KALRN: variants seen among roughly 807,000 people sequenced by gnomAD.
The protein encoded by KALRN is kalirin RhoGEF kinase.
A neutral mutation model predicts 353.7 loss-of-function variants in KALRN; 70 were observed. The ratio of observed to expected loss-of-function variants is 0.20; its 90% confidence interval spans 0.16 to 0.24. KALRN has a LOEUF of 0.24. Among genes scored for constraint, KALRN ranks in the 10% least tolerant of loss-of-function variants. KALRN has a pLI of 1.00. For synonymous variants in KALRN, 1,391 were observed against 1,434.8 expected (o/e 0.97, Z 0.69); for missense variants, 2,791 against 3,756.7 (o/e 0.74, Z 6.72).
chr3:124,301,600 T>C (rs917821967), intron 6 of KALRN, among the ~76,000 whole-genome samples: 3 of 152,170 alleles, frequency 2.0e-5, no homozygotes, highest in Non-Finnish European at 2.9e-5. Flanking sequence ...TTAAGGTTTG[T>C]TATTAAAAGA....
intron 33 of KALRN, chr3:124,519,457 T>G (rs1446018511): frequency 1.0e-6 from 1 of 985,158 alleles, no homozygotes; most frequent in African/African-American, 1.7e-5. Flanking sequence ...TATACACTCA[T>G]TTTCTAACTT....
intron 3 of KALRN, among the ~76,000 whole-genome samples, chr3:124,262,800 C>G (rs1331284647): frequency 6.6e-6 from 1 of 152,190 alleles, no homozygotes; most frequent in African/African-American, 2.4e-5. Context: ...TGTGGCCTTA[C>G]TGCCAGCAGC....
chr3:124,438,996 C>T lies in KALRN; in HGVS notation c.3157C>T (p.Leu1053Phe). ...AGCAGAGATCGACCATGTCATTCCC[C>T]TCATCAGCAAACATTTGGAACAAAA... is the stretch of plus-strand genomic sequence containing the variant. Reference protein sequence around the residue: ...PAAEIDHVIPLISKHLEQKEA... With the variant: ...PAAEIDHVIPFISKHLEQKEA... Residue 1053 changes from leucine to phenylalanine, a missense_variant, in exon 18 of 60, where the codon CTC (leucine) becomes TTC (phenylalanine). This residue lies in a region of KALRN where 452 missense variants were observed against 575.8 expected (regional missense o/e 0.78). Coordinates refer to ENST00000682506, the MANE Select transcript of KALRN (RefSeq NM_001388419.1). 2 of 1,614,126 alleles carry T rather than the reference C, an allele frequency of 1.2e-6. No individual in the cohort carries two copies. The highest frequency in any genetic ancestry group is 1.7e-6 in the Non-Finnish European group (2 of 1,180,030).
intron 33 of KALRN, among the ~76,000 whole-genome samples, chr3:124,513,701 C>G (rs1429513105): frequency 6.6e-6 from 1 of 152,154 alleles, no homozygotes; most frequent in African/African-American, 2.4e-5. Context: ...TCAGAGGGTT[C>G]CCTGAGCAGA....
intron 34 of KALRN, among the ~76,000 whole-genome samples, chr3:124,591,728 T>G (rs1301224932): frequency 6.6e-6 from 1 of 152,214 alleles, no homozygotes; most frequent in East Asian, 1.9e-4. Context: ...ATACTAGACA[T>G]AGACCCCATC....
intron 1 of KALRN, among the ~76,000 whole-genome samples, chr3:124,166,797 G>A (rs982869870): frequency 1.3e-5 from 2 of 152,130 alleles, no homozygotes; most frequent in African/African-American, 4.8e-5. Flanking sequence ...CCAGCACTTT[G>A]GGAGGCTGAG....
intron 1 of KALRN, among the ~76,000 whole-genome samples, chr3:124,083,079 T>C (rs1174167872): frequency 6.6e-6 from 1 of 152,244 alleles, no homozygotes; most frequent in East Asian, 1.9e-4. Flanking sequence ...GAGAGCAGCC[T>C]TGGTGTTCTG....
chr3:124,429,176 T>G (rs2093162401), intron 15 of KALRN, among the ~76,000 whole-genome samples: 1 of 152,222 alleles, frequency 6.6e-6, no homozygotes, highest in Non-Finnish European at 1.5e-5. Flanking sequence ...ACTAATTGCT[T>G]TACAGATTGG....
chr3:124,360,903 CACA>C (rs1246730209), intron 10 of KALRN, among the ~76,000 whole-genome samples: 1 of 152,186 alleles, frequency 6.6e-6, no homozygotes, highest in Non-Finnish European at 1.5e-5. Flanking sequence ...ATGCAAATTT[CACA>C]AGACTATTTT....
intron 27 of KALRN, among the ~76,000 whole-genome samples, chr3:124,479,824 C>T (rs749483997): frequency 6.6e-6 from 1 of 151,156 alleles, no homozygotes; most frequent in Non-Finnish European, 1.5e-5. Context: ...CCTGGGTTCA[C>T]GCCATTCTCC....
chr3:124,488,567 A>C, intron 29 of KALRN: 2 of 420,458 alleles, frequency 4.8e-6, no homozygotes, highest in Non-Finnish European at 8.7e-6. Context: ...CCCATGAGAC[A>C]GTCCAGGACA....
At chr3:124,175,976 G>A (rs2072677637) in intron 1 of KALRN, among the ~76,000 whole-genome samples, 1 of 152,068 alleles carries the variant, frequency 6.6e-6, no homozygotes, top group African/African-American at 2.4e-5. Flanking sequence ...GTTTTTTCAT[G>A]ATTTTCTCTC....
intron 6 of KALRN, among the ~76,000 whole-genome samples, chr3:124,322,189 G>C (rs1001405456): frequency 6.6e-6 from 1 of 152,206 alleles, no homozygotes; most frequent in Non-Finnish European, 1.5e-5. Flanking sequence ...GCCAGCATGA[G>C]GTGCTGAGAC....
intron 43 of KALRN, among the ~76,000 whole-genome samples, chr3:124,659,714 C>T (rs568721642): frequency 6.6e-6 from 1 of 152,136 alleles, no homozygotes; most frequent in Non-Finnish European, 1.5e-5. Flanking sequence ...TTTTTCAATT[C>T]ACATTCTTAC....
intron 3 of KALRN, among the ~76,000 whole-genome samples, chr3:124,237,754 G>T (rs939284375): frequency 6.6e-6 from 1 of 152,112 alleles, no homozygotes; most frequent in Non-Finnish European, 1.5e-5. Flanking sequence ...GAGGATTTGT[G>T]GTGAACAGGA....
At chr3:124,669,991 ACAGAGT>A (rs1233516161) in intron 47 of KALRN, among the ~76,000 whole-genome samples, 7 of 140,658 alleles carry the variant, frequency 5.0e-5, no homozygotes, top group African/African-American at 8.4e-5. Flanking sequence ...TTTTTTTGAG[ACAGAGT>A]CTCGCTCTGT....
At chr3:124,073,843 G>A (rs996065454) in intron 1 of KALRN, among the ~76,000 whole-genome samples, 5 of 152,090 alleles carry the variant, frequency 3.3e-5, no homozygotes, top group African/African-American at 9.7e-5. Flanking sequence ...ATTGGAATAG[G>A]CTTTTGCAGG....
At chr3:124,286,107 C>CTTTCTTTCTTTCTT (rs1560463045) in intron 5 of KALRN, among the ~76,000 whole-genome samples, 2 of 145,886 alleles carry the variant, frequency 1.4e-5, no homozygotes, top group Non-Finnish European at 3.0e-5. Context: ...TTCTTTCTTT[C>CTTTCTTTCTTTCTT]TTTCTTTCTT....
At chr3:124,182,889 A>G (rs1322919393) in intron 1 of KALRN, among the ~76,000 whole-genome samples, 8 of 152,224 alleles carry the variant, frequency 5.3e-5, no homozygotes, top group South Asian at 2.1e-4. Context: ...AAAGATTTTC[A>G]TACTGAAAAC....
Sources: gnomAD v4.1 joint callset for allele counts (sites outside exome capture counted in the v4.1 genomes callset) on GRCh38, gnomAD v4.1.1 for gene constraint, gnomAD v4.1.1 regional missense constraint, MANE v1.5 for transcripts, NCBI Gene and HGNC (gene_info 2026-07-23, HGNC 2026-07-21) for gene names.